The following NBAS variants were observed in gnomAD, a reference collection of about 807,000 sequenced individuals.
NBAS encodes NAG/BC035112 fusion.
Under a neutral mutation model 302.5 loss-of-function variants are expected in NBAS, and 219 were observed. The ratio of observed to expected loss-of-function variants is 0.72; its 90% CI spans 0.65 to 0.81. The LOEUF is 0.81. Ranked by LOEUF, NBAS falls within the 30% of genes least tolerant of loss-of-function variation. The pLI, the probability that NBAS is intolerant of heterozygous loss-of-function variation, is 0.00. For synonymous variants in NBAS, 1,118 were observed against 1,021.6 expected (o/e 1.09, Z -1.80); for missense variants, 2,932 against 2,841.6 (o/e 1.03, Z -0.72).
chr2:15,295,616 T>C (rs150851945), intron 40 of NBAS, among the ~76,000 whole-genome samples: 1 of 152,340 alleles, frequency 6.6e-6, no homozygotes, highest in East Asian at 1.9e-4. Flanking sequence ...CTAAAAGCCA[T>C]ATACAAATCA....
intron 21 of NBAS, among the ~76,000 whole-genome samples, chr2:15,433,259 A>G (rs1462892077): frequency 6.6e-6 from 1 of 152,198 alleles, no homozygotes; most frequent in Non-Finnish European, 1.5e-5. Context: ...GAGTTACTCA[A>G]ACTGCCTGTG....
At chr2:14,967,013 C>T in the NBAS span, among the ~76,000 whole-genome samples, 12 of 151,948 alleles carry the variant, frequency 7.9e-5, no homozygotes, top group Admixed American at 7.9e-4. Context: ...ATCATGTATA[C>T]TGATAAACAA....
chr2:14,927,128 G>A, the NBAS span, among the ~76,000 whole-genome samples: 1 of 152,198 alleles, frequency 6.6e-6, no homozygotes, highest in Admixed American at 6.5e-5. Context: ...CCTCTACCTG[G>A]TTTCCCAGCA....
intron 10 of NBAS, among the ~76,000 whole-genome samples, chr2:15,505,764 C>G (rs1339927921): frequency 3.3e-5 from 5 of 152,040 alleles, no homozygotes; most frequent in African/African-American, 4.8e-5. Context: ...GAAAAAACAA[C>G]CACGAAGCAA....
chr2:15,063,911 A>G, the NBAS span, among the ~76,000 whole-genome samples: 1 of 152,216 alleles, frequency 6.6e-6, no homozygotes, highest in African/African-American at 2.4e-5. Flanking sequence ...TGACAGCCCT[A>G]GGAAACTAAT....
intron 21 of NBAS, among the ~76,000 whole-genome samples, chr2:15,459,255 A>C (rs1034499094): frequency 1.3e-5 from 2 of 152,216 alleles, no homozygotes; most frequent in Admixed American, 1.3e-4. Context: ...ATCGAAGGAG[A>C]AACTGCCTTT....
chr2:14,873,687 C>CAAA, the NBAS span, among the ~76,000 whole-genome samples: 1,483 of 114,834 alleles, frequency 0.013, 23 homozygotes, highest in African/African-American at 0.039. Flanking sequence ...TGATGTTTTC[C>CAAA]AAAAAAAAAA....
At chr2:15,105,617 G>C in the NBAS span, among the ~76,000 whole-genome samples, 1 of 152,080 alleles carries the variant, frequency 6.6e-6, no homozygotes, top group South Asian at 2.1e-4. Context: ...CAACGACAGA[G>C]CTCCCCGTGT....
the NBAS span, among the ~76,000 whole-genome samples, chr2:14,823,795 T>C: frequency 1.3e-5 from 2 of 152,246 alleles, no homozygotes; most frequent in Non-Finnish European, 2.9e-5. Flanking sequence ...CCACCTTTCC[T>C]TGTGGTTTAA....
the NBAS span, among the ~76,000 whole-genome samples, chr2:15,127,783 TGAACA>T: frequency 6.6e-6 from 1 of 152,174 alleles, no homozygotes; most frequent in African/African-American, 2.4e-5. Flanking sequence ...GGGAATGGCC[TGAACA>T]GCTTGAAGAT....
chr2:15,410,851 A>G (rs1411608042), intron 25 of NBAS, among the ~76,000 whole-genome samples: 2 of 152,132 alleles, frequency 1.3e-5, no homozygotes, highest in Non-Finnish European at 2.9e-5. Flanking sequence ...TTTCTAGCCA[A>G]TATAGCAAAG....
intron 25 of NBAS, among the ~76,000 whole-genome samples, chr2:15,410,899 G>T (rs1460188356): frequency 6.6e-6 from 1 of 152,140 alleles, no homozygotes; most frequent in Admixed American, 6.5e-5. Flanking sequence ...CTAGAAGTAG[G>T]TCTGGAAGAT....
At chr2:15,421,346 A>G (rs1222627532) in intron 23 of NBAS, among the ~76,000 whole-genome samples, 2 of 152,312 alleles carry the variant, frequency 1.3e-5, no homozygotes, top group African/African-American at 4.8e-5. Context: ...TTACTAAAGT[A>G]TAAGTGTTTT....
chr2:15,276,809 A>C lies in NBAS; in HGVS notation c.5389+42T>G. 1.9e-6 allele frequency: 3 copies of C among 1,613,512 alleles called. No homozygotes were observed. In the South Asian group the frequency reaches 3.3e-5, roughly 18 times the overall value. On this transcript the variant is annotated intron_variant, in intron 43 of 51. Coordinates refer to ENST00000281513, the MANE Select transcript of NBAS (RefSeq NM_015909.4). ...GTACAGAAAATTAATCCCCAGATTT[A>C]ATTGAAAAGAATGAATTCAAGCAGG...
intron 35 of NBAS, among the ~76,000 whole-genome samples, chr2:15,338,269 C>A (rs1672683196): frequency 1.3e-5 from 2 of 152,178 alleles, no homozygotes; most frequent in South Asian, 4.1e-4. Flanking sequence ...GCTGTTGGCA[C>A]ATATAAACTA....
chr2:14,874,021 T>G, the NBAS span, among the ~76,000 whole-genome samples: 1 of 152,176 alleles, frequency 6.6e-6, no homozygotes. Context: ...AAGATGGTTA[T>G]TTGAAAAGGT....
the NBAS span, among the ~76,000 whole-genome samples, chr2:15,053,857 G>C: frequency 1.3e-5 from 2 of 151,934 alleles, no homozygotes; most frequent in East Asian, 3.9e-4. Flanking sequence ...GAAGGAAAAG[G>C]AGCAGAAAGA....
At chr2:15,527,248 C>T (rs1662954260) in intron 9 of NBAS, among the ~76,000 whole-genome samples, 1 of 152,146 alleles carries the variant, frequency 6.6e-6, no homozygotes, top group Non-Finnish European at 1.5e-5. Context: ...AGAGCCAGAG[C>T]TCATATACTA....
At chr2:15,146,359 T>A in the NBAS span, among the ~76,000 whole-genome samples, 1 of 152,170 alleles carries the variant, frequency 6.6e-6, no homozygotes, top group Non-Finnish European at 1.5e-5. Flanking sequence ...CATCTTGAGT[T>A]AAATCTGATT....
Sources: gnomAD v4.1 joint callset for allele counts (sites outside exome capture counted in the v4.1 genomes callset) on GRCh38, gnomAD v4.1.1 for gene constraint, MANE v1.5 for transcripts, NCBI Gene and HGNC (gene_info 2026-07-23, HGNC 2026-07-21) for gene names.